The following TAF1C variants were observed in gnomAD, a reference collection of about 807,000 sequenced individuals.
The protein encoded by TAF1C is TATA-box binding protein associated factor, RNA polymerase I subunit C.
A neutral mutation model predicts 70.5 loss-of-function variants in TAF1C; 79 were observed. The observed-to-expected ratio is 1.12, with a 90% CI of 0.93 to 1.35. The LOEUF is 1.35. Among genes scored for constraint, TAF1C ranks in the 40% most tolerant of loss-of-function variants. The pLI is 0.00. For synonymous variants in TAF1C, 614 were observed against 491.1 expected (o/e 1.25, Z -3.31); for missense variants, 1,412 against 1,127.8 (o/e 1.25, Z -3.61).
intron 2 of TAF1C, among the ~76,000 whole-genome samples, chr16:84,184,607 G>T (rs938100856): frequency 1.3e-5 from 2 of 152,186 alleles, no homozygotes; most frequent in Non-Finnish European, 2.9e-5. Flanking sequence ...AGGAAGGGAG[G>T]GGTCAACCGA....
Position 84,182,612 on chromosome 16 carries a change from C to T in TAF1C, c.483-172G>A, listed in dbSNP as rs746655340. On this transcript the variant is annotated intron_variant, in intron 6 of 14. Coordinates refer to ENST00000566732, the MANE Select transcript of TAF1C (RefSeq NM_001243156.2). This position sits in a 1 kb window ranked among gnomAD's most constrained non-coding sequence, Gnocchi z 5.0. ...CCCGGAAGCAATCATGTGACCCAGACCTGGCCACCAACAATATTCCATTGC... is the reference window on the plus strand; with the variant it reads ...CCCGGAAGCAATCATGTGACCCAGATCTGGCCACCAACAATATTCCATTGC... 1.2e-4 allele frequency among the ~76,000 whole-genome samples: 19 copies of T among 152,210 alleles called. No homozygotes were observed. Among genetic ancestry groups the T allele is most frequent in the Non-Finnish European group, 2.4e-4 (16 of 68,046 alleles).
intron 1 of TAF1C, 61 bp from the exon 2 acceptor site, chr16:84,185,121 A>C (rs2089413159): frequency 8.7e-7 from 1 of 1,151,376 alleles, no homozygotes; most frequent in Non-Finnish European, 1.2e-6. Flanking sequence ...GATAACAAAA[A>C]ACAAATATGT....
In TAF1C at chr16:84,183,102, C is replaced by G; in HGVS notation, c.456G>C (p.Gln152His). Residue 152 changes from glutamine to histidine, a missense_variant, in exon 6 of 15, where the codon CAG becomes CAC. Physicochemically the swap from Gln to His is conservative, Grantham distance 24 (BLOSUM62 0). Transcript: ENST00000566732. ...KTVVSVKKLL[Q>H]DLGGHQPWGC... ...CCCAGGGCTGGTGTCCACCGAGGTC[C>G]TGGAGCAGCTTCTTCACACTGACCA... is the stretch of plus-strand genomic sequence containing the variant. The G allele has an allele frequency of 6.2e-7, 1 of 1,614,132 alleles. No homozygotes were observed. The highest frequency in any genetic ancestry group is 8.5e-7 in the Non-Finnish European group (1 of 1,180,034).
Position 84,179,933 on chromosome 16 carries a change from C to T in TAF1C, c.1621+13G>A. The T allele has an allele frequency of 6.3e-7, 1 of 1,596,022 alleles. No individual in the cohort carries two copies. The highest frequency in any genetic ancestry group is 8.5e-7 in the Non-Finnish European group (1 of 1,170,794). On this transcript the variant is annotated intron_variant, in intron 14 of 14. Transcript: ENST00000566732. ...CACTGCGCCCCCCAAGCTCACTCCC[C>T]CACCCAGCACACCTATGGTCGGTGC...
intron 12 of TAF1C, chr16:84,180,631 C>T (rs1014162136): frequency 3.2e-5 from 20 of 617,444 alleles, no homozygotes; most frequent in East Asian, 3.2e-4. Context: ...CTGGCCTTCT[C>T]GCAGCCACCC....
At chr16:84,180,702 G>A (rs1246440351) in intron 12 of TAF1C, 11 of 908,954 alleles carry the variant, frequency 1.2e-5, no homozygotes, top group East Asian at 3.6e-5. Context: ...CCGGGAGGGC[G>A]GGTGGAGGAC....
Position 84,180,350 on chromosome 16 carries a change from G to T in TAF1C, c.1309-6C>A. ...TCCACTAGGTAGAGAGAGAACTGGG[G>T]CCCGAGAAGGAAGGGGGATGTGGCC... On this transcript the variant is annotated splice_region_variant and splice_polypyrimidine_tract_variant and intron_variant, in intron 12 of 14. Coordinates refer to ENST00000566732, the MANE Select transcript of TAF1C (RefSeq NM_001243156.2). 2 of 1,537,384 alleles carry T rather than the reference G, an allele frequency of 1.3e-6. No individual in the cohort carries two copies. The highest frequency in any genetic ancestry group is 8.7e-7 in the Non-Finnish European group (1 of 1,145,344).
Position 84,182,576 on chromosome 16 carries a change from T to G in TAF1C, c.483-136A>C, listed in dbSNP as rs1169899431. 1.9e-5 allele frequency: 15 copies of G among 807,056 alleles called. No individual in the cohort carries two copies. The East Asian group carries it at 4.0e-4, about 22-fold the overall frequency. 50.0% of individuals were successfully genotyped at this position (807,056 alleles called of 1,614,324 possible). The stretch of plus-strand genomic sequence containing the variant: ...CTTCCTTTGGGAGACCACCCCATCC[T>G]GTTCCCATGCCCCGGAAGCAATCAT... On this transcript the variant is annotated intron_variant, in intron 6 of 14. Transcript: ENST00000566732. This position sits in a 1 kb window ranked among gnomAD's most constrained non-coding sequence, Gnocchi z 5.0.
Position 84,182,020 on chromosome 16 carries a change from G to C in TAF1C, c.760C>G (p.Gln254Glu). The change falls in exon 8 of 15, where the codon CAA (glutamine) becomes GAA (glutamate). Residue 254 changes from glutamine (Q) to glutamate (E), a missense_variant. Transcript: ENST00000566732. The surrounding 1 kb of genome is among the most constrained non-coding windows in gnomAD (Gnocchi z 5.0). The stretch of plus-strand genomic sequence containing the variant: ...ATGCGTCCAGGTTTCCCAAGGAATT[G>C]GGGATTGTCACCTGGGGTCAGAACG... The part of the protein sequence containing the change: ...EVVLTPGDNP[Q>E]FLGKPGRIQL... The C allele has an allele frequency of 6.2e-7, 1 of 1,613,556 alleles. No homozygotes were observed.
Position 84,179,014 on chromosome 16 carries a change from G to C in TAF1C, c.2459C>G (p.Thr820Ser). ...PHSQASSVRATRSQQHTPVLS... is the reference protein window; with the variant it reads ...PHSQASSVRASRSQQHTPVLS... ...GACGGGTGTGTGCTGCTGGGAGCGA[G>C]TGGCCCGGACGCTGGAGGCCTGGGA... The change falls in exon 15 of 15, where the codon ACT (threonine) becomes AGT (serine). Residue 820 changes from threonine to serine, a missense_variant. Physicochemically the swap from Thr to Ser is moderately conservative, Grantham distance 58. Transcript: ENST00000566732. The C allele has an allele frequency of 6.2e-7, 1 of 1,610,830 alleles. No individual in the cohort carries two copies. The highest frequency in any genetic ancestry group is 8.5e-7 in the Non-Finnish European group (1 of 1,179,978).
chr16:84,182,013 A>T lies in TAF1C; in HGVS notation c.767T>A (p.Leu256His). Reference protein sequence around the residue: ...VLTPGDNPQFLGKPGRIQLQG... With the variant: ...VLTPGDNPQFHGKPGRIQLQG... The stretch of plus-strand genomic sequence containing the variant: ...GAGCTGGATGCGTCCAGGTTTCCCA[A>T]GGAATTGGGGATTGTCACCTGGGGT... Residue 256 changes from leucine (L) to histidine (H), a missense_variant, in exon 8 of 15, where the codon CTT becomes CAT. Coordinates refer to ENST00000566732, the MANE Select transcript of TAF1C (RefSeq NM_001243156.2). This position sits in a 1 kb window ranked among gnomAD's most constrained non-coding sequence, Gnocchi z 5.0. The T allele has an allele frequency of 6.2e-7, 1 of 1,613,596 alleles. No individual in the cohort carries two copies. The highest frequency in any genetic ancestry group is 8.5e-7 in the Non-Finnish European group (1 of 1,180,002).
At position 84,179,454 on chromosome 16, in the gene TAF1C, G is replaced by T; in HGVS notation, c.2019C>A (p.Ser673=). 6.3e-7 allele frequency: 1 copy of T among 1,597,726 alleles called. No homozygotes were observed. Among genetic ancestry groups the T allele is most frequent in the Non-Finnish European group, 8.5e-7 (1 of 1,177,028 alleles). ...GQLLLQRDLG[S]LPAAEPPPAP... ...CAGGGGGTGGCTCTGCCGCAGGGAGGGAGCCCAGGTCTCTCTGCAGCAGGA... is the reference window on the plus strand; with the variant it reads ...CAGGGGGTGGCTCTGCCGCAGGGAGTGAGCCCAGGTCTCTCTGCAGCAGGA... Residue 673 remains serine (S), a synonymous_variant, in exon 15 of 15, where the codon TCC becomes TCA. Transcript: ENST00000566732.
Position 84,181,463 on chromosome 16 carries a change from C to A in TAF1C, c.1029G>T (p.Gly343=). ...GAVCLWSPED[G]LRQIYRDPET... ...CAGGGTCCCTGTAGATTTGCCGCAG[C>A]CTTGGGGAGACAGGCAAGCCGTGGG... The change falls in exon 11 of 15, where the codon GGG becomes GGT. Residue 343 remains glycine, a splice_region_variant and synonymous_variant. Transcript: ENST00000566732. The A allele has an allele frequency of 6.2e-7, 1 of 1,613,720 alleles. No individual in the cohort carries two copies. The highest frequency in any genetic ancestry group is 1.7e-5 in the Admixed American group (1 of 60,016).
At chr16:84,186,186 G>A (rs935045867) in intron 1 of TAF1C, among the ~76,000 whole-genome samples, 1 of 152,168 alleles carries the variant, frequency 6.6e-6, no homozygotes, top group Non-Finnish European at 1.5e-5. Flanking sequence ...CCGATTCAGA[G>A]GCAGAGCTCC....
intron 13 of TAF1C, 39 bp downstream of exon 13, chr16:84,180,131 C>A (rs1356810895): frequency 6.4e-7 from 1 of 1,565,006 alleles, no homozygotes; most frequent in East Asian, 2.2e-5. Flanking sequence ...CCGACCGCCC[C>A]ATCTCCCACA....
rs1257625139 is a variant in TAF1C, at chr16:84,181,992, T to TA, written c.787_788insT (p.Gln263LeufsTer25). 6.2e-7 allele frequency: 1 copy of TA among 1,613,604 alleles called. No individual in the cohort carries two copies. The highest frequency in any genetic ancestry group is 1.3e-5 in the African/African-American group (1 of 74,882). On this transcript the variant is annotated frameshift_variant, in exon 8 of 15. Coordinates refer to ENST00000566732, the MANE Select transcript of TAF1C (RefSeq NM_001243156.2). LOFTEE classifies it high-confidence loss of function. Reference sequence around the variant, plus strand: ...CACTTGCCGGACAGGTCCCTGGAGCTGGATGCGTCCAGGTTTCCCAAGGAA... The same window carrying TA: ...CACTTGCCGGACAGGTCCCTGGAGCTAGGATGCGTCCAGGTTTCCCAAGGAA...
At position 84,179,199 on chromosome 16, in the gene TAF1C, A is replaced by C. The variant is rs767786433; in HGVS notation, c.2274T>G (p.Asp758Glu). 6.3e-7 allele frequency: 1 copy of C among 1,588,306 alleles called. No individual in the cohort carries two copies. Among genetic ancestry groups the C allele is most frequent in the Non-Finnish European group, 8.5e-7 (1 of 1,173,396 alleles). The change falls in exon 15 of 15, where the codon GAT (aspartate) becomes GAG (glutamate). Residue 758 changes from aspartate (D) to glutamate (E), a missense_variant. Physicochemically the swap from Asp to Glu is conservative, Grantham distance 45. Transcript: ENST00000566732. Reference sequence around the variant, plus strand: ...GGGTCGTGGGGGGCAGGGGCAGAGCATCAGCAGGTGGCCACTCAGGGCTAT... The same window carrying C: ...GGGTCGTGGGGGGCAGGGGCAGAGCCTCAGCAGGTGGCCACTCAGGGCTAT... ...SPHSPEWPPA[D>E]ALPLPPTTPP...
At position 84,179,535 on chromosome 16, in the gene TAF1C, C is replaced by T. The variant is rs200886592; in HGVS notation, c.1938G>A (p.Glu646=). 114 of 1,608,280 alleles carry T rather than the reference C, an allele frequency of 7.1e-5. No homozygotes were observed. In the East Asian group the frequency reaches 1.9e-3, roughly 26 times the overall value. The change falls in exon 15 of 15, where the codon GAG becomes GAA. Residue 646 remains glutamate (E), a synonymous_variant. Transcript: ENST00000566732. The part of the protein sequence containing the change: ...QMLGSTELRR[E]EEEGQRLGVL... The stretch of plus-strand genomic sequence containing the variant: ...CACCCAGCCGCTGCCCTTCCTCTTC[C>T]TCCCTCCGCAGCTCTGTGCTGCCCA...
chr16:84,182,847 A>T lies in TAF1C; in HGVS notation c.482+229T>A, dbSNP rs1276595758. ...AGGAAAGAGAGACACAGCTCTATGA[A>T]CATTATTTGAACACCTGGATGCAGC... On this transcript the variant is annotated intron_variant, in intron 6 of 14. Coordinates refer to ENST00000566732, the MANE Select transcript of TAF1C (RefSeq NM_001243156.2). The surrounding 1 kb of genome is among the most constrained non-coding windows in gnomAD (Gnocchi z 5.0). 6.6e-6 allele frequency among the ~76,000 whole-genome samples: 1 copy of T among 152,218 alleles called. No homozygotes were observed. The highest frequency in any genetic ancestry group is 1.5e-5 in the Non-Finnish European group (1 of 68,022).
Sources: gnomAD v4.1 joint callset for allele counts (sites outside exome capture counted in the v4.1 genomes callset) on GRCh38, gnomAD v4.1.1 for gene constraint, Gnocchi (gnomAD v3.1) non-coding constraint, MANE v1.5 for transcripts, NCBI Gene and HGNC (gene_info 2026-07-23, HGNC 2026-07-21) for gene names.